Variants in AKT3 observed in about 807,000 individuals in gnomAD.
The protein encoded by AKT3 is RAC-gamma serine/threonine-protein kinase.
In AKT3, 15 loss-of-function variants were observed where a neutral mutation model predicts 65.3. That is an observed-to-expected ratio of 0.23 (90% CI 0.15 to 0.35). The LOEUF is 0.35. AKT3 is among the 10% of genes least tolerant of loss of function. The pLI is 1.00. For missense variants in AKT3, 243 were observed against 576.5 expected (o/e 0.42, Z 5.92); for synonymous variants, 206 against 183.8 (o/e 1.12, Z -0.98).
intron 8 of AKT3, among the ~76,000 whole-genome samples, chr1:243,590,801 C>T (rs1676172697): frequency 6.6e-6 from 1 of 152,034 alleles, no homozygotes; most frequent in Admixed American, 6.6e-5. Context: ...GAATCTAACA[C>T]ATGTGTAATA....
At chr1:243,646,158 C>G (rs916177605) in intron 4 of AKT3, 121 bp from the exon 5 acceptor site, 1 of 807,712 alleles carries the variant, frequency 1.2e-6, no homozygotes, top group African/African-American at 1.8e-5. Flanking sequence ...ACACTCAACA[C>G]AGATAAGCAT....
intron 4 of AKT3, among the ~76,000 whole-genome samples, chr1:243,646,811 T>C (rs182661755): frequency 3.7e-4 from 57 of 152,308 alleles, no homozygotes; most frequent in Admixed American, 1.6e-3. Flanking sequence ...CTTTCATTGT[T>C]TCCAGATCAT....
At chr1:243,600,414 A>G (rs1558644552) in intron 8 of AKT3, among the ~76,000 whole-genome samples, 1 of 152,184 alleles carries the variant, frequency 6.6e-6, no homozygotes, top group Non-Finnish European at 1.5e-5. Context: ...ACTTATTCTA[A>G]AGTAAGTGTG....
rs555198249 is a variant in AKT3 at position 243,743,410 on chromosome 1, A to C, written c.47-47694T>G. On this transcript the variant is annotated intron_variant, in intron 2 of 13. Coordinates refer to ENST00000673466, the MANE Select transcript of AKT3 (RefSeq NM_005465.7). ...ATTTTTTCTAGTCTTGTTTTCAAAA[A>C]TACTATGAATAAATAGTCTTAATAA... Among the ~76,000 whole-genome samples the C allele has an allele frequency of 2.6e-5, 4 of 152,370 alleles. No individual in the cohort carries two copies. In the South Asian group the frequency reaches 8.3e-4, roughly 32 times the overall value.
chr1:243,671,113 CT>C (rs1306418995), intron 3 of AKT3, among the ~76,000 whole-genome samples: 10 of 144,508 alleles, frequency 6.9e-5, no homozygotes, highest in African/African-American at 2.4e-4. Context: ...GAGTCTCGCT[CT>C]GTTGCCCAGG....
In AKT3 at chr1:243,523,610, T is replaced by C. The variant is rs562905991; in HGVS notation, c.1252-11184A>G. ...GAAGAAAACACTGAGCCCCTAAATA[T>C]TCATACTAAAGTCATACTAAAGCAT... On this transcript the variant is annotated intron_variant, in intron 12 of 13. Transcript: ENST00000673466. 7.4e-4 allele frequency among the ~76,000 whole-genome samples: 112 copies of C among 152,228 alleles called. 2 individuals carry two copies. The South Asian group carries it at 8.7e-3, about 12-fold the overall frequency.
intron 12 of AKT3, among the ~76,000 whole-genome samples, chr1:243,518,750 A>G (rs1670523253): frequency 6.6e-6 from 1 of 152,220 alleles, no homozygotes; most frequent in Non-Finnish European, 1.5e-5. Flanking sequence ...GTCTTCATAA[A>G]CTTTATGGAA....
intron 2 of AKT3, among the ~76,000 whole-genome samples, chr1:243,837,239 A>G (rs931158272): frequency 2.0e-5 from 3 of 152,212 alleles, no homozygotes; most frequent in Non-Finnish European, 4.4e-5. Flanking sequence ...TGAAAAGGAA[A>G]TCCTTAAAAA....
intron 2 of AKT3, among the ~76,000 whole-genome samples, chr1:243,759,923 G>A (rs1019786195): frequency 6.6e-6 from 1 of 152,088 alleles, no homozygotes; most frequent in Non-Finnish European, 1.5e-5. Flanking sequence ...GCCACATTAA[G>A]CTGAAATCAC....
At position 243,532,343 on chromosome 1, in the gene AKT3, C is replaced by T. The variant is rs527471745; in HGVS notation, c.1251+13167G>A. On this transcript the variant is annotated intron_variant, in intron 12 of 13. Coordinates refer to ENST00000673466, the MANE Select transcript of AKT3 (RefSeq NM_005465.7). The stretch of plus-strand genomic sequence containing the variant: ...TGTGGCAGTTTCCTTCTATTCCTAG[C>T]TTTTTTTTCTTTTTACTGTTTTTAT... Among the ~76,000 whole-genome samples the T allele has an allele frequency of 1.1e-4, 17 of 151,966 alleles. 1 individual carries two copies. The highest frequency in any genetic ancestry group is 3.9e-4 in the African/African-American group (16 of 41,474).
chr1:243,777,531 G>T (rs1302914894), intron 2 of AKT3, among the ~76,000 whole-genome samples: 1 of 152,134 alleles, frequency 6.6e-6, no homozygotes, highest in East Asian at 1.9e-4. Flanking sequence ...ATTTATCAGG[G>T]ATCACTAGTG....
At chr1:243,724,967 C>T (rs1239979950) in intron 2 of AKT3, among the ~76,000 whole-genome samples, 1 of 151,612 alleles carries the variant, frequency 6.6e-6, no homozygotes. Flanking sequence ...CTTTGGGAGG[C>T]TGAGGTAGGA....
chr1:243,660,444 A>G (rs1325224115), intron 4 of AKT3, among the ~76,000 whole-genome samples: 1 of 152,234 alleles, frequency 6.6e-6, no homozygotes, highest in African/African-American at 2.4e-5. Flanking sequence ...ATATAAACAG[A>G]ACCAAAGAAA....
At chr1:243,782,668 T>C (rs543643439) in intron 2 of AKT3, among the ~76,000 whole-genome samples, 32 of 152,222 alleles carry the variant, frequency 2.1e-4, no homozygotes, top group African/African-American at 7.7e-4. Flanking sequence ...CATATATAAA[T>C]GGAACAATGC....
chr1:243,841,794 G>C (rs1295027306), intron 2 of AKT3, among the ~76,000 whole-genome samples: 1 of 151,910 alleles, frequency 6.6e-6, no homozygotes, highest in Non-Finnish European at 1.5e-5. Context: ...GTGATTAACA[G>C]ATAAACTGTG....
At chr1:243,848,032 C>A (rs1695591400) in intron 1 of AKT3, among the ~76,000 whole-genome samples, 1 of 152,082 alleles carries the variant, frequency 6.6e-6, no homozygotes, top group South Asian at 2.1e-4. Flanking sequence ...ATTTTTAAAA[C>A]GCTGTAAGAA....
At chr1:243,633,428 C>T (rs1333587470) in intron 6 of AKT3, among the ~76,000 whole-genome samples, 4 of 152,048 alleles carry the variant, frequency 2.6e-5, no homozygotes, top group African/African-American at 9.7e-5. Context: ...GAGACTCATA[C>T]ATTAAAAAAT....
intron 12 of AKT3, among the ~76,000 whole-genome samples, chr1:243,532,965 CT>C (rs1213722630): frequency 6.6e-6 from 1 of 152,152 alleles, no homozygotes; most frequent in Non-Finnish European, 1.5e-5. Flanking sequence ...TCTTATAACC[CT>C]TTCTATTTCT....
chr1:243,651,013 TA>T (rs781442725), intron 4 of AKT3, among the ~76,000 whole-genome samples: 18 of 152,206 alleles, frequency 1.2e-4, no homozygotes, highest in Non-Finnish European at 1.9e-4. Flanking sequence ...ATTTTCTTGA[TA>T]TTGATTCTTC....
Sources: gnomAD v4.1 joint callset for allele counts (sites outside exome capture counted in the v4.1 genomes callset) on GRCh38, gnomAD v4.1.1 for gene constraint, MANE v1.5 for transcripts, NCBI Gene and HGNC (gene_info 2026-07-23, HGNC 2026-07-21) for gene names.